Variants in SEMA6A observed in about 807,000 individuals in gnomAD.
The protein encoded by SEMA6A is semaphorin-6A.
Under a neutral mutation model 96.8 loss-of-function variants are expected in SEMA6A, and 25 were observed. That is an observed-to-expected ratio of 0.26 (90% confidence interval 0.19 to 0.36). The LOEUF (loss-of-function observed/expected upper bound fraction) is 0.36, where lower values mean the gene tolerates loss of function less well. Ranked by LOEUF, SEMA6A falls within the 10% of genes least tolerant of loss-of-function variation. The pLI is 1.00. For synonymous variants in SEMA6A, 612 were observed against 518.0 expected, an observed-to-expected ratio of 1.18 and a Z score of -2.46; for missense variants, 1,363 against 1,323.1, an observed-to-expected ratio of 1.03 and a Z score of -0.47.
At chr5:116,571,125 T>C (rs1044823059) in intron 1 of SEMA6A, among the ~76,000 whole-genome samples, 6 of 152,178 alleles carry the variant, frequency 3.9e-5, no homozygotes, top group Non-Finnish European at 5.9e-5. Flanking sequence ...TTTTTTTCAC[T>C]GTAGGGAAAA....
intron 1 of SEMA6A, among the ~76,000 whole-genome samples, chr5:116,519,401 A>T (rs1018019486): frequency 2.0e-5 from 3 of 152,204 alleles, no homozygotes; most frequent in South Asian, 2.1e-4. Flanking sequence ...AATATCGTAC[A>T]AGTGTGTAGG....
intron 1 of SEMA6A, among the ~76,000 whole-genome samples, chr5:116,573,201 C>T (rs918870158): frequency 2.0e-5 from 3 of 152,222 alleles, no homozygotes; most frequent in African/African-American, 7.2e-5. Context: ...GCCCCATTGC[C>T]CCCATGGTAG....
intron 1 of SEMA6A, among the ~76,000 whole-genome samples, chr5:116,506,711 A>T (rs1357798114): frequency 6.6e-6 from 1 of 152,116 alleles, no homozygotes; most frequent in East Asian, 1.9e-4. Context: ...GTCAGGGAGA[A>T]CTGGCAACTT....
chr5:116,501,934 G>T (rs1339433491), intron 3 of SEMA6A, among the ~76,000 whole-genome samples: 1 of 152,182 alleles, frequency 6.6e-6, no homozygotes, highest in African/African-American at 2.4e-5. Flanking sequence ...TCTAATGGGT[G>T]CTTGAATAAA....
At chr5:116,485,109 A>C (rs1439600425) in intron 10 of SEMA6A, among the ~76,000 whole-genome samples, 1 of 152,220 alleles carries the variant, frequency 6.6e-6, no homozygotes, top group African/African-American at 2.4e-5. Flanking sequence ...GTATATTTTT[A>C]GGTGGGTACA....
At chr5:116,493,043 T>C (rs1757407550) in intron 6 of SEMA6A, among the ~76,000 whole-genome samples, 1 of 152,218 alleles carries the variant, frequency 6.6e-6, no homozygotes, top group Non-Finnish European at 1.5e-5. Context: ...GAACTGAGCA[T>C]GAGCAACATC....
Position 116,463,234 on chromosome 5 carries a change from T to C in SEMA6A, c.1894+4349A>G, listed in dbSNP as rs141180072. ...GATAACGCAGAAGACTGAAAGAGCA[T>C]TGAAAAGGGCATAAATTTCCACCAC... On this transcript the variant is annotated intron_variant, in intron 18 of 18. Transcript: ENST00000343348. Among the ~76,000 whole-genome samples the C allele has an allele frequency of 8.4e-4, 128 of 152,292 alleles. 1 individual carries two copies. The Middle Eastern group carries it at 0.02, about 24-fold the overall frequency.
chr5:116,557,780 A>G (rs1760663511), intron 1 of SEMA6A, among the ~76,000 whole-genome samples: 2 of 152,190 alleles, frequency 1.3e-5, no homozygotes, highest in Admixed American at 1.3e-4. Flanking sequence ...TTAACACTCT[A>G]GCTGCTGACT....
chr5:116,539,590 C>CGTGTGTGT (rs138539399), intron 1 of SEMA6A, among the ~76,000 whole-genome samples: 6,780 of 144,898 alleles, frequency 0.047, 187 homozygotes, highest in African/African-American at 0.069. Context: ...TAATTCTGTG[C>CGTGTGTGT]GTGTGTGTGT....
intron 18 of SEMA6A, among the ~76,000 whole-genome samples, chr5:116,457,548 C>T (rs762465231): frequency 2.0e-5 from 3 of 151,940 alleles, no homozygotes; most frequent in Non-Finnish European, 2.9e-5. Context: ...ATTTATTACC[C>T]CATTAAAAAT....
chr5:116,447,500 C>A lies in SEMA6A; in HGVS notation c.2206G>T (p.Gly736Cys). 6.2e-7 allele frequency: 1 copy of A among 1,614,040 alleles called. No individual in the cohort carries two copies. Among genetic ancestry groups the A allele is most frequent in the Admixed American group, 1.7e-5 (1 of 60,024 alleles). Reference sequence around the variant, plus strand: ...TTAATGAGCATCTTGGCCGTGTTGCCGGGAGTGGCGAGCTTGCCGTTGTGC... The same window carrying A: ...TTAATGAGCATCTTGGCCGTGTTGCAGGGAGTGGCGAGCTTGCCGTTGTGC... ...LMHNGKLATP[G>C]NTAKMLIKAD... The change falls in exon 19 of 19, where the codon GGC becomes TGC. Residue 736 changes from glycine to cysteine, a missense_variant. Gly to Cys is a radical substitution (Grantham distance 159). Around this residue, in one of 2 missense-constraint regions of SEMA6A, gnomAD observed 883 missense variants for 763.6 expected, o/e 1.16. Coordinates refer to ENST00000343348, the MANE Select transcript of SEMA6A (RefSeq NM_020796.5).
chr5:116,474,303 C>CACACACAA (rs984748539), intron 16 of SEMA6A, among the ~76,000 whole-genome samples: 1 of 151,716 alleles, frequency 6.6e-6, no homozygotes, highest in East Asian at 1.9e-4. Context: ...CACACACACA[C>CACACACAA]ACACACATCT....
At chr5:116,565,837 C>T (rs1761003333) in intron 1 of SEMA6A, among the ~76,000 whole-genome samples, 1 of 151,972 alleles carries the variant, frequency 6.6e-6, no homozygotes, top group Non-Finnish European at 1.5e-5. Context: ...TAAAGCATTC[C>T]ATTTTCAGGA....
intron 1 of SEMA6A, chr5:116,550,209 A>C (rs1760349646): frequency 6.6e-6 from 1 of 152,198 alleles, no homozygotes; most frequent in Non-Finnish European, 1.5e-5. Context: ...GCTACTTCTA[A>C]GCATCCTTGG....
chr5:116,523,526 G>A (rs1029631836), intron 1 of SEMA6A, among the ~76,000 whole-genome samples: 3 of 151,994 alleles, frequency 2.0e-5, no homozygotes, highest in Admixed American at 6.6e-5. Context: ...TGCCGAGGCC[G>A]GTCTCGAACT....
At position 116,481,235 on chromosome 5, in the gene SEMA6A, T is replaced by G. The variant is rs143817935; in HGVS notation, c.1095-958A>C. 5.6e-3 allele frequency among the ~76,000 whole-genome samples: 858 copies of G among 152,304 alleles called. 9 individuals carry two copies. Among genetic ancestry groups the G allele is most frequent in the Middle Eastern group, 6.8e-3 (2 of 294 alleles). Reference sequence around the variant, plus strand: ...TGGTATTGGTTGAGTGACACCATCTTTACATACCAAGGAGAGGGTATTACA... The same window carrying G: ...TGGTATTGGTTGAGTGACACCATCTGTACATACCAAGGAGAGGGTATTACA... On this transcript the variant is annotated intron_variant, in intron 11 of 18. Coordinates refer to ENST00000343348, the MANE Select transcript of SEMA6A (RefSeq NM_020796.5).
At chr5:116,525,894 T>C (rs1358459880) in intron 1 of SEMA6A, among the ~76,000 whole-genome samples, 1 of 152,188 alleles carries the variant, frequency 6.6e-6, no homozygotes, top group East Asian at 1.9e-4. Flanking sequence ...AGCAAGGAAC[T>C]GTTTCAGGTG....
rs746697574 is a variant in SEMA6A at position 116,467,624 on chromosome 5, G to A, written c.1853C>T (p.Pro618Leu). The A allele has an allele frequency of 6.2e-7, 1 of 1,613,486 alleles. No individual in the cohort carries two copies. Among genetic ancestry groups the A allele is most frequent in the Non-Finnish European group, 8.5e-7 (1 of 1,179,766 alleles). ...ATTATGGGAAGACACTGCCCCCAAA[G>A]GGTCTGTGCTGTCAGGTGAGTCAAG... ...HLLDSPDSTD[P>L]LGAVSSHNHQ... The change falls in exon 18 of 19, where the codon CCT becomes CTT. Residue 618 changes from proline to leucine, a missense_variant. Physicochemically the swap from Pro to Leu is moderately conservative, Grantham distance 98. Transcript: ENST00000343348.
chr5:116,492,469 C>G (rs552892252), intron 6 of SEMA6A: 1 of 152,344 alleles, frequency 6.6e-6, no homozygotes, highest in South Asian at 2.1e-4. Context: ...AAATCTTAGA[C>G]TTCACAGCAG....
Sources: gnomAD v4.1 joint callset for allele counts (sites outside exome capture counted in the v4.1 genomes callset) on GRCh38, gnomAD v4.1.1 for gene constraint, gnomAD v4.1.1 regional missense constraint, MANE v1.5 for transcripts, NCBI Gene and HGNC (gene_info 2026-07-23, HGNC 2026-07-21) for gene names.